ABTB3: variants seen among roughly 807,000 people sequenced by gnomAD.
The protein encoded by ABTB3 is ankyrin repeat- and BTB/POZ domain-containing protein 3.
At chr12:107,474,385 A>G in the ABTB3 span, among the ~76,000 whole-genome samples, 1 of 152,192 alleles carries the variant, frequency 6.6e-6, no homozygotes, top group Non-Finnish European at 1.5e-5. Flanking sequence ...ACGGAGCAGC[A>G]TAATTTATAA....
At chr12:107,625,685 ACCAC>A in the ABTB3 span, among the ~76,000 whole-genome samples, 5 of 151,420 alleles carry the variant, frequency 3.3e-5, no homozygotes, top group Non-Finnish European at 7.4e-5. Context: ...ATCCTCTAAC[ACCAC>A]CCCAGCAGGG....
chr12:107,437,544 ATG>A, the ABTB3 span, among the ~76,000 whole-genome samples: 1 of 151,920 alleles, frequency 6.6e-6, no homozygotes, highest in African/African-American at 2.4e-5. Context: ...TTACAGGTGT[ATG>A]CCACCACATC....
At chr12:107,635,484 G>A in the ABTB3 span, 2 of 1,190,274 alleles carry the variant, frequency 1.7e-6, no homozygotes, top group East Asian at 2.5e-5. Flanking sequence ...GAGGGAGGGG[G>A]TTCAAGGGCA....
chr12:107,420,784 G>A, the ABTB3 span, among the ~76,000 whole-genome samples: 1 of 152,200 alleles, frequency 6.6e-6, no homozygotes, highest in African/African-American at 2.4e-5. Flanking sequence ...ACCTTCAGAA[G>A]CTTTTCTGCA....
At chr12:107,554,815 T>A in the ABTB3 span, among the ~76,000 whole-genome samples, 1 of 152,200 alleles carries the variant, frequency 6.6e-6, no homozygotes, top group African/African-American at 2.4e-5. Context: ...TTTGTGCATG[T>A]GTCTTATCTC....
the ABTB3 span, among the ~76,000 whole-genome samples, chr12:107,362,555 G>T: frequency 9.2e-5 from 14 of 152,214 alleles, no homozygotes; most frequent in Non-Finnish European, 1.8e-4. Context: ...CACTTTGGGA[G>T]GCCAAGGTGC....
the ABTB3 span, among the ~76,000 whole-genome samples, chr12:107,436,653 G>A: frequency 6.6e-6 from 1 of 152,194 alleles, no homozygotes; most frequent in South Asian, 2.1e-4. Context: ...GGACTTAAAG[G>A]AATGTGGCCC....
chr12:107,350,540 C>T, the ABTB3 span, among the ~76,000 whole-genome samples: 558 of 148,804 alleles, frequency 3.7e-3, 7 homozygotes, highest in East Asian at 0.034. Flanking sequence ...AGCGAGAGTC[C>T]GTCTCAAAAA....
chr12:107,522,591 A>G, the ABTB3 span, among the ~76,000 whole-genome samples: 1 of 150,110 alleles, frequency 6.7e-6, no homozygotes, highest in Admixed American at 6.7e-5. Flanking sequence ...CTCTCTCCCT[A>G]CTATATAGAA....
At chr12:107,620,029 C>G in the ABTB3 span, 15 of 1,614,078 alleles carry the variant, frequency 9.3e-6, no homozygotes, top group Non-Finnish European at 1.3e-5. Context: ...CTTTGCGGAT[C>G]GCCTTCCAGC....
the ABTB3 span, among the ~76,000 whole-genome samples, chr12:107,328,855 G>C: frequency 1.3e-5 from 2 of 152,302 alleles, no homozygotes; most frequent in Admixed American, 6.5e-5. Context: ...AGGGGCGTGT[G>C]GGGTAGAGGG....
the ABTB3 span, among the ~76,000 whole-genome samples, chr12:107,569,477 G>A: frequency 6.6e-6 from 1 of 152,168 alleles, no homozygotes. Flanking sequence ...TGTGGCATAA[G>A]TCACACCTTT....
At chr12:107,390,712 G>A in the ABTB3 span, among the ~76,000 whole-genome samples, 1 of 152,202 alleles carries the variant, frequency 6.6e-6, no homozygotes, top group Admixed American at 6.5e-5. Context: ...CTTGGAGGCT[G>A]TTCCTCAGAG....
At chr12:107,635,850 A>ACCCCCCCCCCCCCCCCCCCCCCCC in the ABTB3 span, among the ~76,000 whole-genome samples, 1 of 56,616 alleles carries the variant, frequency 1.8e-5, no homozygotes, top group Admixed American at 2.4e-4. Flanking sequence ...GGGAGGAACA[A>ACCCCCCCCCCCCCCCCCCCCCCCC]CCCCCCCCCC....
At chr12:107,319,257 C>A in the ABTB3 span, 1 of 1,554,910 alleles carries the variant, frequency 6.4e-7, no homozygotes, top group South Asian at 1.2e-5. Flanking sequence ...GAGCTGGAGG[C>A]GCTGCTGCTG....
the ABTB3 span, among the ~76,000 whole-genome samples, chr12:107,330,882 A>G: frequency 6.6e-6 from 1 of 152,262 alleles, no homozygotes; most frequent in Admixed American, 6.5e-5. Flanking sequence ...CACTGAAAGC[A>G]ATTACTGTGA....
At chr12:107,615,493 T>G in the ABTB3 span, among the ~76,000 whole-genome samples, 25 of 152,312 alleles carry the variant, frequency 1.6e-4, no homozygotes, top group Admixed American at 8.5e-4. Flanking sequence ...AACATGAGAT[T>G]TGGTTGCTAT....
At chr12:107,350,805 A>G in the ABTB3 span, among the ~76,000 whole-genome samples, 1 of 152,200 alleles carries the variant, frequency 6.6e-6, no homozygotes, top group Non-Finnish European at 1.5e-5. Flanking sequence ...ACATGGTCTA[A>G]CAGCATTACT....
At chr12:107,476,161 GC>G in the ABTB3 span, among the ~76,000 whole-genome samples, 1 of 152,128 alleles carries the variant, frequency 6.6e-6, no homozygotes, top group Non-Finnish European at 1.5e-5. Flanking sequence ...GGCTAGCCTG[GC>G]CCCCGGCTAC....
Sources: gnomAD v4.1 joint callset for allele counts (sites outside exome capture counted in the v4.1 genomes callset) on GRCh38, gnomAD v4.1.1 for gene constraint, MANE v1.5 for transcripts, NCBI Gene and HGNC (gene_info 2026-07-23, HGNC 2026-07-21) for gene names.